The following CARM1 variants were observed in gnomAD, a reference collection of about 807,000 sequenced individuals.
The protein encoded by CARM1 is histone-arginine methyltransferase CARM1.
A neutral mutation model predicts 72.7 loss-of-function variants in CARM1; 14 were observed. The observed-to-expected ratio is 0.19, with a 90% confidence interval of 0.13 to 0.30. The LOEUF (loss-of-function observed/expected upper bound fraction) is 0.30. CARM1 is among the 10% of genes least tolerant of loss of function. The pLI is 1.00. For missense variants in CARM1, 432 were observed against 833.7 expected (o/e 0.52, Z 5.93); for synonymous variants, 333 against 345.5 (o/e 0.96, Z 0.40).
chr19:10,896,441 CCCCATT>C lies in CARM1; in HGVS notation c.221-8509_221-8504del, dbSNP rs920573769. Among the ~76,000 whole-genome samples the C allele has an allele frequency of 6.6e-6, 1 of 152,058 alleles. No individual in the cohort carries two copies. Among genetic ancestry groups the C allele is most frequent in the African/African-American group, 2.4e-5 (1 of 41,400 alleles). ...CACCAAGAGCTGCCCTCTTCCCCATCCCCATTGCCTCCTGCCTGGCCAGCCATAGCA... is the reference window on the plus strand; with the variant it reads ...CACCAAGAGCTGCCCTCTTCCCCATCGCCTCCTGCCTGGCCAGCCATAGCA... On this transcript the variant is annotated intron_variant, in intron 1 of 15. Coordinates refer to ENST00000327064, the MANE Select transcript of CARM1 (RefSeq NM_199141.2). The surrounding 1 kb of genome is among the most constrained non-coding windows in gnomAD (Gnocchi z 5.2).
intron 5 of CARM1, among the ~76,000 whole-genome samples, chr19:10,913,638 G>T (rs965953981): frequency 6.6e-6 from 1 of 152,024 alleles, no homozygotes; most frequent in Non-Finnish European, 1.5e-5. Flanking sequence ...AGGTCAAGCA[G>T]TCCGCCTGCC....
chr19:10,909,026 C>G, intron 3 of CARM1, 77 bp from the exon 4 acceptor site: 1 of 1,121,174 alleles, frequency 8.9e-7, no homozygotes, highest in Non-Finnish European at 1.3e-6. Context: ...GCCCCTTGCT[C>G]TATCACAGGG....
At chr19:10,902,290 C>CTTTTTTTTTTTTT (rs869120010) in intron 1 of CARM1, among the ~76,000 whole-genome samples, 1 of 114,782 alleles carries the variant, frequency 8.7e-6, no homozygotes, top group Admixed American at 9.6e-5. Context: ...ATTGTTGTTT[C>CTTTTTTTTTTTTT]TTTTTTTTTT....
At chr19:10,894,992 C>T (rs543569294) in intron 1 of CARM1, among the ~76,000 whole-genome samples, 56 of 152,166 alleles carry the variant, frequency 3.7e-4, no homozygotes, top group African/African-American at 1.1e-3. Context: ...TGATCCTCCC[C>T]GCTCAGCTTT....
chr19:10,871,855 G>A lies in CARM1; in HGVS notation c.153G>A (p.Ala51=). The stretch of plus-strand genomic sequence containing the variant: ...CGAACGGCGAGATCCAGCGGCACGC[G>A]GAGCAGCAGGCGCTGCGCCTCGAGG... ...GDANGEIQRH[A]EQQALRLEVR... is the part of the protein sequence containing the mutation. Residue 51 remains alanine (A), a synonymous_variant, in exon 1 of 16, where the codon GCG becomes GCA. Transcript: ENST00000327064. This position sits in a 1 kb window ranked among gnomAD's most constrained non-coding sequence, Gnocchi z 5.6. 2 of 1,291,706 alleles carry A rather than the reference G, an allele frequency of 1.5e-6. No homozygotes were observed. Among genetic ancestry groups the A allele is most frequent in the Admixed American group, 3.4e-5 (1 of 29,422 alleles). The allele number at this position is 1,291,706 out of a possible 1,614,324, so 80.0% of individuals were successfully genotyped here.
At chr19:10,895,368 G>A (rs1249702456) in intron 1 of CARM1, among the ~76,000 whole-genome samples, 1 of 152,238 alleles carries the variant, frequency 6.6e-6, no homozygotes, top group African/African-American at 2.4e-5. Context: ...GCCTCCCAAA[G>A]TGCTGGGATT....
chr19:10,910,780 G>A (rs1316487755), intron 4 of CARM1, among the ~76,000 whole-genome samples: 1 of 151,846 alleles, frequency 6.6e-6, no homozygotes, highest in African/African-American at 2.4e-5. Flanking sequence ...TGGCCAGGAT[G>A]GTCTAGATCT....
chr19:10,910,943 TGC>T (rs1267779349), intron 4 of CARM1, among the ~76,000 whole-genome samples: 1 of 152,154 alleles, frequency 6.6e-6, no homozygotes, highest in African/African-American at 2.4e-5. Context: ...CAGGCTGGAA[TGC>T]AGTGGCACAA....
chr19:10,887,411 C>T (rs1009210305), intron 1 of CARM1, among the ~76,000 whole-genome samples: 5 of 152,154 alleles, frequency 3.3e-5, no homozygotes, highest in East Asian at 3.9e-4. Context: ...TCACATCTGG[C>T]GAAGCAGCCT....
At position 10,916,302 on chromosome 19, in the gene CARM1, G is replaced by A; in HGVS notation, c.848-105G>A. 1.4e-6 allele frequency: 1 copy of A among 734,388 alleles called. No homozygotes were observed. The highest frequency in any genetic ancestry group is 2.4e-6 in the Non-Finnish European group (1 of 415,958). 45.5% of individuals were successfully genotyped at this position (734,388 alleles called of 1,614,324 possible). A position where few individuals can be genotyped will look rare whatever the true frequency, so the allele number is the denominator to read the frequency against. Reference sequence around the variant, plus strand: ...GAGTGCAGGAACGAATGGATGACAGGCTGGGAGCACCCAGGGTTGGGGGTC... The same window carrying A: ...GAGTGCAGGAACGAATGGATGACAGACTGGGAGCACCCAGGGTTGGGGGTC... On this transcript the variant is annotated intron_variant, in intron 6 of 15. Transcript: ENST00000327064. The surrounding 1 kb of genome is among the most constrained non-coding windows in gnomAD (Gnocchi z 4.4).
In CARM1 at chr19:10,871,634, G is replaced by GGCGGCGGCA. The variant is rs2073816849; in HGVS notation, c.-64_-63insGGCAGCGGC. 1.3e-5 allele frequency: 2 copies of GGCGGCGGCA among 152,772 alleles called. No individual in the cohort carries two copies. The highest frequency in any genetic ancestry group is 1.9e-5 in the Non-Finnish European group (2 of 104,232). The allele number at this position is 152,772 out of a possible 1,614,324, so 9.5% of individuals were successfully genotyped here. A position where few individuals can be genotyped will look rare whatever the true frequency, so the allele number is the denominator to read the frequency against. ...CGGCGGCGGCGGCGGCGGCGGCGGC[G>GGCGGCGGCA]GCGGCAGCGGCGGCGGCCTGGGCCC... On this transcript the variant is annotated 5_prime_UTR_variant, in exon 1 of 16. Coordinates refer to ENST00000327064, the MANE Select transcript of CARM1 (RefSeq NM_199141.2). This position sits in a 1 kb window ranked among gnomAD's most constrained non-coding sequence, Gnocchi z 5.6.
intron 9 of CARM1, 98 bp from the exon 10 acceptor site, chr19:10,919,779 G>A: frequency 6.7e-7 from 1 of 1,495,112 alleles, no homozygotes; most frequent in African/African-American, 1.4e-5. Flanking sequence ...AGGGCAGATG[G>A]TGGGCGGGGG....
intron 5 of CARM1, among the ~76,000 whole-genome samples, chr19:10,913,279 C>T (rs1434018996): frequency 6.6e-6 from 1 of 151,988 alleles, no homozygotes; most frequent in Non-Finnish European, 1.5e-5. Context: ...TATTTTTAGG[C>T]CAGGCATGGT....
At chr19:10,885,340 G>T (rs2073933357) in intron 1 of CARM1, among the ~76,000 whole-genome samples, 1 of 152,170 alleles carries the variant, frequency 6.6e-6, no homozygotes, top group South Asian at 2.1e-4. Context: ...GCCTTGGCAG[G>T]CGTGGGTCTG....
In CARM1 at chr19:10,875,670, C is replaced by T. The variant is rs12461273; in HGVS notation, c.220+3748C>T. Reference sequence around the variant, plus strand: ...CCATCTCCTGACCTCGTGATCTGCCCACCTTGGCCTCCCAAAGTGCTGGGA... The same window carrying T: ...CCATCTCCTGACCTCGTGATCTGCCTACCTTGGCCTCCCAAAGTGCTGGGA... On this transcript the variant is annotated intron_variant, in intron 1 of 15. Transcript: ENST00000327064. Among the ~76,000 whole-genome samples the T allele has an allele frequency of 0.027, 4,180 of 152,094 alleles. 392 individuals are homozygous for T. In the East Asian group the frequency reaches 0.36, roughly 13 times the overall value.
intron 1 of CARM1, among the ~76,000 whole-genome samples, chr19:10,901,287 T>TTTTGTTTG (rs764571229): frequency 6.9e-6 from 1 of 145,460 alleles, no homozygotes; most frequent in Non-Finnish European, 1.5e-5. Flanking sequence ...TTGGCCAGCT[T>TTTTGTTTG]TTTGTTTGTT....
chr19:10,900,126 T>C (rs929494504), intron 1 of CARM1, among the ~76,000 whole-genome samples: 1 of 151,974 alleles, frequency 6.6e-6, no homozygotes, highest in Non-Finnish European at 1.5e-5. Context: ...CTGGGCAACA[T>C]AGTGAGACCC....
At chr19:10,913,556 G>GTT (rs80280799) in intron 5 of CARM1, among the ~76,000 whole-genome samples, 2 of 145,098 alleles carry the variant, frequency 1.4e-5, no homozygotes, top group South Asian at 2.2e-4. Flanking sequence ...AAAAAAAATA[G>GTT]TTTTTTTTTT....
intron 4 of CARM1, among the ~76,000 whole-genome samples, chr19:10,910,829 G>A (rs2074144304): frequency 1.3e-5 from 2 of 151,966 alleles, no homozygotes; most frequent in East Asian, 1.9e-4. Flanking sequence ...CTCCCAAAGT[G>A]CTTGGATTAC....
Sources: gnomAD v4.1 joint callset for allele counts (sites outside exome capture counted in the v4.1 genomes callset) on GRCh38, gnomAD v4.1.1 for gene constraint, Gnocchi (gnomAD v3.1) non-coding constraint, MANE v1.5 for transcripts, NCBI Gene and HGNC (gene_info 2026-07-23, HGNC 2026-07-21) for gene names.